The following EGF variants were observed in gnomAD, a reference collection of about 807,000 sequenced individuals.
The protein encoded by EGF is pro-epidermal growth factor.
A neutral mutation model predicts 143.8 loss-of-function variants in EGF; 95 were observed. The ratio of observed to expected loss-of-function variants is 0.66; its 90% CI spans 0.56 to 0.78. The LOEUF (loss-of-function observed/expected upper bound fraction) is 0.78, where lower values mean the gene tolerates loss of function less well. Ranked by LOEUF, EGF falls within the 30% of genes least tolerant of loss-of-function variation. The pLI is 0.00. For missense variants in EGF, 1,320 were observed against 1,470.9 expected (o/e 0.90, Z 1.68); for synonymous variants, 510 against 510.5 (o/e 1.00, Z 0.01).
chr4:109,976,885 A>G (rs1748585683), intron 13 of EGF, among the ~76,000 whole-genome samples: 1 of 152,238 alleles, frequency 6.6e-6, no homozygotes, highest in Admixed American at 6.5e-5. Context: ...TATGTTGACT[A>G]AACTTAAATT....
At chr4:109,973,136 G>A (rs1244331301) in intron 11 of EGF, among the ~76,000 whole-genome samples, 4 of 152,162 alleles carry the variant, frequency 2.6e-5, no homozygotes, top group African/African-American at 9.7e-5. Context: ...GCTGCAAGAA[G>A]CTGCTGATCG....
At chr4:109,984,498 T>C (rs1301032288) in intron 16 of EGF, among the ~76,000 whole-genome samples, 1 of 152,150 alleles carries the variant, frequency 6.6e-6, no homozygotes, top group Non-Finnish European at 1.5e-5. Flanking sequence ...GGGGATTGAT[T>C]CCAGGATTCC....
At chr4:109,954,681 A>G (rs893364998) in intron 5 of EGF, among the ~76,000 whole-genome samples, 1 of 152,242 alleles carries the variant, frequency 6.6e-6, no homozygotes, top group Non-Finnish European at 1.5e-5. Context: ...TAGACATTTC[A>G]TAAAACTAAC....
intron 16 of EGF, among the ~76,000 whole-genome samples, chr4:109,987,285 G>A (rs565278612): frequency 2.9e-4 from 44 of 152,144 alleles, no homozygotes; most frequent in African/African-American, 1.0e-3. Flanking sequence ...CATGGCTATG[G>A]GACTTTGGGA....
intron 1 of EGF, among the ~76,000 whole-genome samples, chr4:109,916,723 C>T (rs774136575): frequency 2.0e-5 from 3 of 147,232 alleles, no homozygotes; most frequent in Non-Finnish European, 4.4e-5. Flanking sequence ...AATAAACACT[C>T]GATAAGCCCG....
intron 8 of EGF, among the ~76,000 whole-genome samples, chr4:109,962,276 T>C (rs1316452867): frequency 6.6e-6 from 1 of 152,236 alleles, no homozygotes; most frequent in Non-Finnish European, 1.5e-5. Context: ...GTCTAGATAC[T>C]TGCCCTCTCT....
chr4:109,921,166 G>C (rs527245084), intron 1 of EGF, among the ~76,000 whole-genome samples: 1 of 151,614 alleles, frequency 6.6e-6, no homozygotes, highest in East Asian at 1.9e-4. Flanking sequence ...AATAATGCTT[G>C]TCAATATGTC....
At position 109,933,379 on chromosome 4, in the gene EGF, A is replaced by G. The variant is rs145177353; in HGVS notation, c.128-7567A>G. 1.7e-3 allele frequency among the ~76,000 whole-genome samples: 259 copies of G among 151,232 alleles called. 2 individuals carry two copies. Among genetic ancestry groups the G allele is most frequent in the Admixed American group, 0.016 (246 of 15,214 alleles). On this transcript the variant is annotated intron_variant, in intron 1 of 23. Coordinates refer to ENST00000265171, the MANE Select transcript of EGF (RefSeq NM_001963.6). ...ATGCTGGCACCTATTTCAAACTCTC[A>G]TAATCTTACAGTTCTCCCAGCCTCT...
rs1284692659 is a variant in EGF at position 109,980,048 on chromosome 4, A to G, written c.2130A>G (p.Val710=). ...SDWAMPSVMR[V]NKRTGKDRVR... is the part of the protein sequence containing the mutation. ...GGGCTATGCCATCAGTAATGAGAGT[A>G]AACAAGAGGACTGGCAAAGATAGAG... Residue 710 remains valine (V), a synonymous_variant, in exon 14 of 24, where the codon GTA becomes GTG. Transcript: ENST00000265171. 2 of 1,614,056 alleles carry G rather than the reference A, an allele frequency of 1.2e-6. No homozygotes were observed. The highest frequency in any genetic ancestry group is 1.7e-6 in the Non-Finnish European group (2 of 1,179,932).
In EGF at chr4:110,011,318, C is replaced by G. The variant is rs556105355; in HGVS notation, c.3487C>G (p.Arg1163Gly). 1 of 1,614,100 alleles carries G rather than the reference C, an allele frequency of 6.2e-7. No homozygotes were observed. The highest frequency in any genetic ancestry group is 1.3e-5 in the African/African-American group (1 of 75,020). ...GGGCTCCTGTCCCCAGGTAATGGAGCGAAGCTTTCATATGCCCTCCTATGG... is the reference window on the plus strand; with the variant it reads ...GGGCTCCTGTCCCCAGGTAATGGAGGGAAGCTTTCATATGCCCTCCTATGG... ...DKGSCPQVME[R>G]SFHMPSYGTQ... The change falls in exon 24 of 24, where the codon CGA becomes GGA. Residue 1163 changes from arginine (R) to glycine (G), a missense_variant. Coordinates refer to ENST00000265171, the MANE Select transcript of EGF (RefSeq NM_001963.6).
Position 109,913,018 on chromosome 4 carries a change from CA to C in EGF, c.-317del. On this transcript the variant is annotated 5_prime_UTR_variant, in exon 1 of 24. Transcript: ENST00000265171. ...TCTAAGCCTTTGCCTTGCTCTGTCACAGTGAAGTCAGCCAGAGCAGGGCTGT... is the reference window on the plus strand; with the variant it reads ...TCTAAGCCTTTGCCTTGCTCTGTCACGTGAAGTCAGCCAGAGCAGGGCTGT... 2.9e-6 allele frequency: 1 copy of C among 345,538 alleles called. No homozygotes were observed. Among genetic ancestry groups the C allele is most frequent in the South Asian group, 2.6e-5 (1 of 39,176 alleles). 21.4% of individuals were successfully genotyped at this position (345,538 alleles called of 1,614,324 possible). A position where few individuals can be genotyped will look rare whatever the true frequency, so the allele number is the denominator to read the frequency against.
rs6836684 is a variant in EGF at position 109,987,933 on chromosome 4, C to T, written c.2608+73C>T. 11,225 of 1,158,654 alleles carry T rather than the reference C, an allele frequency of 9.7e-3. 714 individuals carry two copies. In the African/African-American group the frequency reaches 0.14, roughly 15 times the overall value. The allele number at this position is 1,158,654 out of a possible 1,614,324, so 71.8% of individuals were successfully genotyped here. On this transcript the variant is annotated intron_variant, in intron 17 of 23. Transcript: ENST00000265171. ...AACATTTTTTCTGCTCTTTCTGACT[C>T]AAAAACTCCAGAAGGATTTATGTAA...
intron 23 of EGF, among the ~76,000 whole-genome samples, chr4:110,009,723 T>TG (rs951489057): frequency 6.6e-6 from 1 of 151,616 alleles, no homozygotes; most frequent in Non-Finnish European, 1.5e-5. Flanking sequence ...GAGATTGGGG[T>TG]GGGGGGAGAT....
intron 21 of EGF, among the ~76,000 whole-genome samples, chr4:110,000,740 A>G (rs1362096796): frequency 6.6e-6 from 1 of 152,234 alleles, no homozygotes; most frequent in Non-Finnish European, 1.5e-5. Context: ...TTCCTCTATT[A>G]TCATCAATAT....
At chr4:109,966,526 TATA>T (rs1317125025) in intron 10 of EGF, among the ~76,000 whole-genome samples, 1 of 152,138 alleles carries the variant, frequency 6.6e-6, no homozygotes, top group Non-Finnish European at 1.5e-5. Context: ...GTCTTTTTGA[TATA>T]ATACTTTCTT....
intron 20 of EGF, among the ~76,000 whole-genome samples, chr4:109,997,092 G>T (rs535467997): frequency 6.6e-6 from 1 of 152,164 alleles, no homozygotes; most frequent in East Asian, 1.9e-4. Context: ...ACAGCTTGGT[G>T]GGTTAGGGGA....
rs761236090 is a variant in EGF at position 109,976,164 on chromosome 4, C to A, written c.1982C>A (p.Ala661Asp). The change falls in exon 13 of 24, where the codon GCC (alanine) becomes GAC (aspartate). Residue 661 changes from alanine to aspartate, a missense_variant. Coordinates refer to ENST00000265171, the MANE Select transcript of EGF (RefSeq NM_001963.6). ...FLTDKLYWCD[A>D]KQSVIEMANL... The stretch of plus-strand genomic sequence containing the variant: ...ACTGACAAGTTGTACTGGTGCGATG[C>A]CAAGCAGTCTGTGATTGAAATGGCC... The A allele has an allele frequency of 1.9e-6, 3 of 1,614,104 alleles. No homozygotes were observed. The highest frequency in any genetic ancestry group is 1.1e-5 in the South Asian group (1 of 91,078).
At chr4:109,915,440 T>C (rs1736465428) in intron 1 of EGF, among the ~76,000 whole-genome samples, 1 of 152,114 alleles carries the variant, frequency 6.6e-6, no homozygotes, top group Admixed American at 6.6e-5. Flanking sequence ...AGTCATACGA[T>C]GAGATGCCGT....
chr4:109,944,264 C>T (rs963574240), intron 4 of EGF, among the ~76,000 whole-genome samples, 195 bp downstream of exon 4: 1 of 152,154 alleles, frequency 6.6e-6, no homozygotes, highest in Non-Finnish European at 1.5e-5. Context: ...ACGGTGAAAC[C>T]CCGTCTCTAC....
Sources: gnomAD v4.1 joint callset for allele counts (sites outside exome capture counted in the v4.1 genomes callset) on GRCh38, gnomAD v4.1.1 for gene constraint, MANE v1.5 for transcripts, NCBI Gene and HGNC (gene_info 2026-07-23, HGNC 2026-07-21) for gene names.